The following DPP6 variants were observed in gnomAD, a reference collection of about 807,000 sequenced individuals.
The protein encoded by DPP6 is dipeptidyl peptidase like 6.
Under a neutral mutation model 122.6 loss-of-function variants are expected in DPP6, and 69 were observed. The observed-to-expected ratio is 0.56, with a 90% CI of 0.46 to 0.69. The LOEUF (loss-of-function observed/expected upper bound fraction) is 0.69. Ranked by LOEUF, DPP6 falls within the 30% of genes least tolerant of loss-of-function variation. The pLI is 0.00. For synonymous variants in DPP6, 418 were observed against 433.1 expected, an observed-to-expected ratio of 0.97 and a Z score of 0.43; for missense variants, 928 against 1,116.9, an observed-to-expected ratio of 0.83 and a Z score of 2.41.
At position 154,297,072 on chromosome 7, in the gene DPP6, T is replaced by TG. The variant is rs1554511169; in HGVS notation, c.244-149142_244-149141insG. On this transcript the variant is annotated intron_variant, in intron 1 of 25. Coordinates refer to ENST00000377770, the MANE Select transcript of DPP6 (RefSeq NM_130797.4). ...TTGTGAAATGTATTCTGTTTTTTTT[T>TG]TTTTGTTTTGTTTTTCTATTTGGAG... is the stretch of plus-strand genomic sequence containing the variant. Among the ~76,000 whole-genome samples, 82 of 139,550 alleles carry TG rather than the reference T, an allele frequency of 5.9e-4. No individual in the cohort carries two copies. In the South Asian group the frequency reaches 0.015, roughly 25 times the overall value. 91.6% of individuals were successfully genotyped at this position (139,550 alleles called of 152,430 possible).
At chr7:153,874,690 A>C in the DPP6 span, among the ~76,000 whole-genome samples, 3 of 152,242 alleles carry the variant, frequency 2.0e-5, no homozygotes, top group Non-Finnish European at 4.4e-5. Flanking sequence ...ATGTAGAATT[A>C]TACCATGAAA....
chr7:153,783,260 C>T, the DPP6 span, among the ~76,000 whole-genome samples: 1 of 152,192 alleles, frequency 6.6e-6, no homozygotes, highest in Non-Finnish European at 1.5e-5. Context: ...CACAGTTCCA[C>T]ATGGCTGGGG....
intron 1 of DPP6, among the ~76,000 whole-genome samples, chr7:154,099,193 G>A (rs1252506679): frequency 2.0e-5 from 3 of 152,224 alleles, no homozygotes; most frequent in Admixed American, 6.5e-5. Flanking sequence ...CTGCCTTTAT[G>A]TGGAATTGCA....
At chr7:154,113,394 C>CATATATATATATATATATAT (rs143477890) in intron 1 of DPP6, among the ~76,000 whole-genome samples, 32 of 138,440 alleles carry the variant, frequency 2.3e-4, no homozygotes, top group Admixed American at 4.4e-4. Flanking sequence ...TGTTTTCCTA[C>CATATATATATATATATATAT]ATATATATAT....
intron 1 of DPP6, among the ~76,000 whole-genome samples, chr7:154,203,022 T>G (rs1309740561): frequency 6.6e-6 from 1 of 152,108 alleles, no homozygotes; most frequent in East Asian, 1.9e-4. Context: ...GCAGATAACT[T>G]TGGGTTCAAG....
At chr7:153,824,297 G>C in the DPP6 span, among the ~76,000 whole-genome samples, 1 of 145,794 alleles carries the variant, frequency 6.9e-6, no homozygotes, top group Non-Finnish European at 1.5e-5. Context: ...TGAGGCAAAA[G>C]AATCACTTGA....
At chr7:154,869,750 G>T (rs1467689061) in intron 18 of DPP6, among the ~76,000 whole-genome samples, 1 of 152,226 alleles carries the variant, frequency 6.6e-6, no homozygotes, top group Non-Finnish European at 1.5e-5. Context: ...AGGAAGCTAT[G>T]CTCTATCACA....
intron 1 of DPP6, among the ~76,000 whole-genome samples, chr7:154,174,882 T>C (rs892457349): frequency 4.0e-5 from 6 of 150,138 alleles, no homozygotes; most frequent in Admixed American, 6.6e-5. Context: ...TTCTTTCTTT[T>C]TTTTTTTGTT....
At chr7:154,520,641 G>A (rs533276466) in intron 3 of DPP6, among the ~76,000 whole-genome samples, 16 of 152,332 alleles carry the variant, frequency 1.1e-4, no homozygotes, top group African/African-American at 3.8e-4. Flanking sequence ...TCTCAGGGAT[G>A]CATAGATAAG....
At chr7:153,834,201 G>A in the DPP6 span, among the ~76,000 whole-genome samples, 1 of 151,488 alleles carries the variant, frequency 6.6e-6, no homozygotes, top group South Asian at 2.1e-4. Context: ...GCAGGAGAAT[G>A]GCTTGAACCC....
the DPP6 span, among the ~76,000 whole-genome samples, chr7:153,863,245 C>T: frequency 3.9e-5 from 6 of 152,166 alleles, no homozygotes; most frequent in African/African-American, 1.4e-4. Context: ...TTACCCATGT[C>T]CCTGCAAAGG....
chr7:154,598,372 C>T (rs1016238855), intron 5 of DPP6, among the ~76,000 whole-genome samples: 3 of 152,130 alleles, frequency 2.0e-5, no homozygotes, highest in South Asian at 2.1e-4. Context: ...TAAACTATGC[C>T]GAGCAAACAT....
chr7:154,573,679 C>A (rs1330143894), intron 5 of DPP6, among the ~76,000 whole-genome samples: 2 of 152,248 alleles, frequency 1.3e-5, no homozygotes, highest in Non-Finnish European at 2.9e-5. Context: ...GTGACTCTTA[C>A]TACATGAGAT....
At chr7:154,715,225 C>T (rs1359223850) in intron 7 of DPP6, among the ~76,000 whole-genome samples, 2 of 152,096 alleles carry the variant, frequency 1.3e-5, no homozygotes, top group African/African-American at 2.4e-5. Flanking sequence ...TGCCACCATA[C>T]CTGGCTAATT....
intron 1 of DPP6, among the ~76,000 whole-genome samples, chr7:154,277,055 AATAGACCATGAAGAGGACACTTGTTT>A (rs1804186569): frequency 2.0e-5 from 3 of 152,328 alleles, no homozygotes; most frequent in Admixed American, 2.0e-4. Flanking sequence ...TGTGGAACTA[AATAGACCATGAAGAGGACACTTGTTT>A]ATAGTATGAG....
At chr7:154,310,637 G>T (rs1806783761) in intron 1 of DPP6, among the ~76,000 whole-genome samples, 2 of 152,192 alleles carry the variant, frequency 1.3e-5, no homozygotes, top group South Asian at 4.1e-4. Context: ...TATCAGGGCA[G>T]ATATACTCAA....
At chr7:154,206,458 CAT>C in intron 1 of DPP6, among the ~76,000 whole-genome samples, 1 of 152,292 alleles carries the variant, frequency 6.6e-6, no homozygotes, top group East Asian at 1.9e-4. Flanking sequence ...TTGCCCCAGA[CAT>C]ATTGCTCATC....
At chr7:154,404,345 G>C (rs1815890451) in intron 1 of DPP6, among the ~76,000 whole-genome samples, 1 of 152,312 alleles carries the variant, frequency 6.6e-6, no homozygotes, top group Admixed American at 6.5e-5. Context: ...CTCAAAAGCA[G>C]TGGAAGAAAT....
intron 2 of DPP6, among the ~76,000 whole-genome samples, chr7:154,452,744 CGCAG>C (rs1180609566): frequency 6.6e-6 from 1 of 152,174 alleles, no homozygotes; most frequent in African/African-American, 2.4e-5. Context: ...CTCCTGATGA[CGCAG>C]ACCTGGAAGG....
Sources: gnomAD v4.1 joint callset for allele counts (sites outside exome capture counted in the v4.1 genomes callset) on GRCh38, gnomAD v4.1.1 for gene constraint, MANE v1.5 for transcripts, NCBI Gene and HGNC (gene_info 2026-07-23, HGNC 2026-07-21) for gene names.